The following FAM163B variants were observed in gnomAD, a reference collection of about 807,000 sequenced individuals.
FAM163B encodes family with sequence similarity 163 member B, also known as protein FAM163B.
A neutral mutation model predicts 7.6 loss-of-function variants in FAM163B; 4 were observed. The ratio of observed to expected loss-of-function variants is 0.52; its 90% CI spans 0.26 to 1.20. The LOEUF (loss-of-function observed/expected upper bound fraction) is 1.20. Among genes scored for constraint, FAM163B ranks in the 50% most tolerant of loss-of-function variants. The pLI, the probability that FAM163B is intolerant of heterozygous loss-of-function variation, is 0.14. For missense variants in FAM163B, 250 were observed against 243.0 expected (o/e 1.03, Z -0.19); for synonymous variants, 120 against 111.6 (o/e 1.07, Z -0.47).
chr9:133,590,613 C>T (rs1244062609), intron 1 of FAM163B, among the ~76,000 whole-genome samples: 2 of 152,208 alleles, frequency 1.3e-5, no homozygotes, highest in Admixed American at 6.5e-5. Flanking sequence ...CTCCTGGATG[C>T]TCAGTAAAGC....
chr9:133,579,109 G>C lies in FAM163B; in HGVS notation c.414C>G (p.Phe138Leu). ...TGGGGTTGAGCGCCTGCAGGCCCCC[G>C]AAGCCCCCCGGGGGCAGCTCCACGT... ...QEDVELPPGG[F>L]GGLQALNPNR... is the part of the protein sequence containing the mutation. The change falls in exon 3 of 3, where the codon TTC (phenylalanine) becomes TTG (leucine). Residue 138 changes from phenylalanine to leucine, a missense_variant. Transcript: ENST00000673969. 6.2e-7 allele frequency: 1 copy of C among 1,600,200 alleles called. No homozygotes were observed. Among genetic ancestry groups the C allele is most frequent in the Non-Finnish European group, 8.5e-7 (1 of 1,174,190 alleles).
In FAM163B at chr9:133,584,752, G is replaced by T. The variant is rs1831407619; in HGVS notation, c.-23-4506C>A. Among the ~76,000 whole-genome samples the T allele has an allele frequency of 3.3e-5, 5 of 152,218 alleles. No homozygotes were observed. The South Asian group carries it at 1.0e-3, about 32-fold the overall frequency. On this transcript the variant is annotated intron_variant, in intron 1 of 2. Coordinates refer to ENST00000673969, the MANE Select transcript of FAM163B (RefSeq NM_001080515.3). ...GAAGGATGGGCTGGGAGAAGAAGGA[G>T]AGGGCCTGTTGGTGCTGGGAACAGC...
rs3025320 is a variant in FAM163B, at chr9:133,600,725, A to G, written c.-24+8352T>C. 2.6e-5 allele frequency among the ~76,000 whole-genome samples: 4 copies of G among 151,894 alleles called. No individual in the cohort carries two copies. Among genetic ancestry groups the G allele is most frequent in the African/African-American group, 9.7e-5 (4 of 41,380 alleles). On this transcript the variant is annotated intron_variant, in intron 1 of 2. Coordinates refer to ENST00000673969, the MANE Select transcript of FAM163B (RefSeq NM_001080515.3). This position sits in a 1 kb window ranked among gnomAD's most constrained non-coding sequence, Gnocchi z 4.9. ...TCTTAAAGCCACATTTTAGAGTCTT[A>G]AAAATCAGAACATGCAACCAGTGGC...
At chr9:133,587,419 G>A (rs1278034611) in intron 1 of FAM163B, among the ~76,000 whole-genome samples, 1 of 152,214 alleles carries the variant, frequency 6.6e-6, no homozygotes, top group African/African-American at 2.4e-5. Flanking sequence ...CCCTGGCCTG[G>A]TCCCCACCAG....
intron 1 of FAM163B, among the ~76,000 whole-genome samples, chr9:133,591,868 A>T (rs35883395): frequency 4.0e-5 from 6 of 151,876 alleles, no homozygotes; most frequent in African/African-American, 1.5e-4. Flanking sequence ...CGCTCTGGGG[A>T]TGCACCTGCT....
chr9:133,582,064 G>A (rs1185781939), intron 1 of FAM163B, among the ~76,000 whole-genome samples: 3 of 152,168 alleles, frequency 2.0e-5, no homozygotes, highest in Admixed American at 6.5e-5. Context: ...CATGCGGCCT[G>A]CAGAGGGAAG....
intron 1 of FAM163B, among the ~76,000 whole-genome samples, chr9:133,608,658 T>A (rs1831818118): frequency 6.6e-6 from 1 of 152,120 alleles, no homozygotes; most frequent in African/African-American, 2.4e-5. Flanking sequence ...TGGGATGGGA[T>A]GAAAATGCAG....
At position 133,580,125 on chromosome 9, in the gene FAM163B, GAATA is replaced by G; in HGVS notation, c.93+2_93+5del. The G allele has an allele frequency of 1.2e-6, 2 of 1,610,500 alleles. No individual in the cohort carries two copies. Among genetic ancestry groups the G allele is most frequent in the Non-Finnish European group, 1.7e-6 (2 of 1,179,612 alleles). On this transcript the variant is annotated splice_donor_variant and splice_donor_5th_base_variant and intron_variant, in intron 2 of 2. Coordinates refer to ENST00000673969, the MANE Select transcript of FAM163B (RefSeq NM_001080515.3). LOFTEE classifies it high-confidence loss of function. ...CCCTGTCCCCTTCCCCGCCGCCCGGGAATACCTGGAGCCGGCAGTAGCACAGAAC... is the reference window on the plus strand; with the variant it reads ...CCCTGTCCCCTTCCCCGCCGCCCGGGCCTGGAGCCGGCAGTAGCACAGAAC...
At chr9:133,593,779 G>C (rs149041560) in intron 1 of FAM163B, among the ~76,000 whole-genome samples, 4 of 152,252 alleles carry the variant, frequency 2.6e-5, no homozygotes, top group Non-Finnish European at 4.4e-5. Context: ...ACAGGCTGTC[G>C]GCAGGCTAGA....
In FAM163B at chr9:133,601,802, C is replaced by A. The variant is rs947578608; in HGVS notation, c.-24+7275G>T. On this transcript the variant is annotated intron_variant, in intron 1 of 2. Transcript: ENST00000673969. This position sits in a 1 kb window ranked among gnomAD's most constrained non-coding sequence, Gnocchi z 4.1. The stretch of plus-strand genomic sequence containing the variant: ...CCATCTGACCACCATGGCGTCAGGG[C>A]GCGTCTCAGAAGGCTTGACTAAAGC... 6.6e-6 allele frequency among the ~76,000 whole-genome samples: 1 copy of A among 152,196 alleles called. No individual in the cohort carries two copies. Among genetic ancestry groups the A allele is most frequent in the Non-Finnish European group, 1.5e-5 (1 of 68,042 alleles).
rs562587971 is a variant in FAM163B, at chr9:133,586,727, C to T, written c.-23-6481G>A. On this transcript the variant is annotated intron_variant, in intron 1 of 2. Coordinates refer to ENST00000673969, the MANE Select transcript of FAM163B (RefSeq NM_001080515.3). Reference sequence around the variant, plus strand: ...GAAGCTGTTTCCACGTTGGGCCAGCCGGAGCTGCTGGGCAGTTGGGTAGGA... The same window carrying T: ...GAAGCTGTTTCCACGTTGGGCCAGCTGGAGCTGCTGGGCAGTTGGGTAGGA... 1.2e-4 allele frequency among the ~76,000 whole-genome samples: 19 copies of T among 152,268 alleles called. No individual in the cohort carries two copies. The South Asian group carries it at 1.5e-3, about 12-fold the overall frequency.
chr9:133,583,258 G>C (rs1372950464), intron 1 of FAM163B, among the ~76,000 whole-genome samples: 1 of 152,306 alleles, frequency 6.6e-6, no homozygotes, highest in Non-Finnish European at 1.5e-5. Flanking sequence ...TTCCCATAGG[G>C]AAGCATGGGC....
Position 133,579,280 on chromosome 9 carries a change from G to A in FAM163B, c.243C>T (p.Ser81=), listed in dbSNP as rs1367620205. The part of the protein sequence containing the change: ...ALYPTASTSF[S]QKSPQARALC... ...GGGCGCGGGCCTGCGGGGACTTCTG[G>A]CTGAAGGAGGTGGAGGCGGTGGGGT... Residue 81 remains serine (S), a synonymous_variant, in exon 3 of 3, where the codon AGC becomes AGT. Transcript: ENST00000673969. 4.3e-6 allele frequency: 7 copies of A among 1,613,024 alleles called. No homozygotes were observed. The highest frequency in any genetic ancestry group is 5.9e-6 in the Non-Finnish European group (7 of 1,179,904).
At chr9:133,585,473 C>T (rs990256217) in intron 1 of FAM163B, among the ~76,000 whole-genome samples, 2 of 152,264 alleles carry the variant, frequency 1.3e-5, no homozygotes, top group Non-Finnish European at 2.9e-5. Context: ...GCCCCAGCCC[C>T]AGCCCCCGCC....
chr9:133,607,470 T>C (rs1027089298), intron 1 of FAM163B, among the ~76,000 whole-genome samples: 8 of 152,184 alleles, frequency 5.3e-5, no homozygotes, highest in African/African-American at 1.9e-4. Flanking sequence ...CACCTCTGTG[T>C]GCCAGGATTC....
In FAM163B at chr9:133,592,155, C is replaced by T. The variant is rs7389535; in HGVS notation, c.-23-11909G>A. Among the ~76,000 whole-genome samples the T allele has an allele frequency of 2.0e-3, 300 of 152,294 alleles. 4 individuals carry two copies. Among genetic ancestry groups the T allele is most frequent in the Admixed American group, 0.017 (261 of 15,310 alleles). On this transcript the variant is annotated intron_variant, in intron 1 of 2. Coordinates refer to ENST00000673969, the MANE Select transcript of FAM163B (RefSeq NM_001080515.3). ...GGGCCCTCAGCCTCACCTTGATGCA[C>T]AGGCCTGGTAAACAGTGGGTGCTCC...
chr9:133,607,230 C>T (rs1023212718), intron 1 of FAM163B, among the ~76,000 whole-genome samples: 33 of 152,162 alleles, frequency 2.2e-4, no homozygotes, highest in Non-Finnish European at 7.4e-5. Context: ...ACATGGGAGA[C>T]TGAGGTCTAG....
Position 133,578,520 on chromosome 9 carries a change from T to C in FAM163B, c.*502A>G, listed in dbSNP as rs1831289676. 6.5e-6 allele frequency: 1 copy of C among 154,068 alleles called. No individual in the cohort carries two copies. The highest frequency in any genetic ancestry group is 1.4e-5 in the Non-Finnish European group (1 of 69,910). 9.5% of individuals were successfully genotyped at this position (154,068 alleles called of 1,614,324 possible). A position where few individuals can be genotyped will look rare whatever the true frequency, so the allele number is the denominator to read the frequency against. On this transcript the variant is annotated 3_prime_UTR_variant, in exon 3 of 3. Transcript: ENST00000673969. ...CGGGTAGGGGAGAGAGAGGGAAAAA[T>C]GGAGAGAAAGAGGCTGGAGTTCAAG...
chr9:133,592,924 G>C (rs889361002), intron 1 of FAM163B, among the ~76,000 whole-genome samples: 1 of 152,172 alleles, frequency 6.6e-6, no homozygotes, highest in Non-Finnish European at 1.5e-5. Context: ...AGCATCCCAG[G>C]CCACTGACAG....
Sources: gnomAD v4.1 joint callset for allele counts (sites outside exome capture counted in the v4.1 genomes callset) on GRCh38, gnomAD v4.1.1 for gene constraint, Gnocchi (gnomAD v3.1) non-coding constraint, MANE v1.5 for transcripts, NCBI Gene and HGNC (gene_info 2026-07-23, HGNC 2026-07-21) for gene names.